Variants in ZC3H11A observed in about 807,000 individuals in gnomAD.
The protein encoded by ZC3H11A is zinc finger CCCH domain-containing protein 11A.
A neutral mutation model predicts 90.8 loss-of-function variants in ZC3H11A; 22 were observed. The observed-to-expected ratio is 0.24, with a 90% CI of 0.17 to 0.35. The LOEUF is 0.35. Ranked by LOEUF, ZC3H11A falls within the 10% of genes least tolerant of loss-of-function variation. The probability of loss-of-function intolerance (pLI) is 1.00; values close to 1 mark genes in which losing one functional copy is unlikely to be tolerated. For missense variants in ZC3H11A, 701 were observed against 964.9 expected (o/e 0.73, Z 3.62); for synonymous variants, 294 against 339.8 (o/e 0.87, Z 1.48).
chr1:203,797,642 A>T, intron 1 of ZC3H11A: 5 of 1,536,098 alleles, frequency 3.3e-6, no homozygotes, highest in Non-Finnish European at 4.4e-6. Flanking sequence ...CAGATGAAGA[A>T]GATGTGGTAG....
intron 8 of ZC3H11A, among the ~76,000 whole-genome samples, 177 bp downstream of exon 8, chr1:203,830,380 A>G (rs1247969674): frequency 2.0e-5 from 3 of 152,248 alleles, no homozygotes; most frequent in Admixed American, 2.0e-4. Context: ...GCTGTGTTTC[A>G]GTCCCTAACT....
chr1:203,839,386 G>A (rs1685381310), intron 11 of ZC3H11A, among the ~76,000 whole-genome samples: 1 of 152,164 alleles, frequency 6.6e-6, no homozygotes, highest in Non-Finnish European at 1.5e-5. Flanking sequence ...AAAAGCCAAG[G>A]TTAGATTTAT....
chr1:203,803,340 C>T (rs910341787), intron 2 of ZC3H11A, among the ~76,000 whole-genome samples: 5 of 152,120 alleles, frequency 3.3e-5, no homozygotes, highest in Non-Finnish European at 7.4e-5. Context: ...TACAGATGTG[C>T]ACCACTACAC....
chr1:203,849,290 G>A (rs958147968), intron 14 of ZC3H11A, among the ~76,000 whole-genome samples: 3 of 152,142 alleles, frequency 2.0e-5, no homozygotes, highest in African/African-American at 7.2e-5. Flanking sequence ...TTTACAGCCT[G>A]CTTTAACTTT....
At chr1:203,840,060 T>C (rs1385466859) in intron 11 of ZC3H11A, among the ~76,000 whole-genome samples, 1 of 147,730 alleles carries the variant, frequency 6.8e-6, no homozygotes, top group East Asian at 1.9e-4. Flanking sequence ...CACCTCAGCC[T>C]CCCAAAGTGC....
chr1:203,800,122 T>C, intron 1 of ZC3H11A: 19 of 1,536,120 alleles, frequency 1.2e-5, no homozygotes, highest in Non-Finnish European at 1.7e-5. Flanking sequence ...GTAGCAGTTG[T>C]GGATGAGTAC....
At chr1:203,808,607 A>G (rs549765630) in intron 2 of ZC3H11A, among the ~76,000 whole-genome samples, 4 of 152,080 alleles carry the variant, frequency 2.6e-5, no homozygotes, top group East Asian at 1.9e-4. Context: ...TTCATATACA[A>G]TTTCCCTCTT....
rs751535089 is a variant in ZC3H11A at position 203,829,503 on chromosome 1, A to G, written c.351A>G (p.Gln117=). The G allele has an allele frequency of 8.1e-6, 13 of 1,613,888 alleles. No individual in the cohort carries two copies. The highest frequency in any genetic ancestry group is 5.3e-5 in the African/African-American group (4 of 74,926). Residue 117 remains glutamine, a synonymous_variant, in exon 6 of 18, where the codon CAA becomes CAG. Transcript: ENST00000367210. Reference sequence around the variant, plus strand: ...CAGAAGAGGAAGTGAAGGCTAGCCAACTTTCAGTTCAGCAGAACAAATTGT... The same window carrying G: ...CAGAAGAGGAAGTGAAGGCTAGCCAGCTTTCAGTTCAGCAGAACAAATTGT... ...ESPEEEVKAS[Q]LSVQQNKLSV... is the part of the protein sequence containing the mutation.
At position 203,851,138 on chromosome 1, in the gene ZC3H11A, A is replaced by G; in HGVS notation, c.2174+14A>G. 1 of 1,613,616 alleles carries G rather than the reference A, an allele frequency of 6.2e-7. No individual in the cohort carries two copies. Among genetic ancestry groups the G allele is most frequent in the African/African-American group, 1.3e-5 (1 of 75,028 alleles). On this transcript the variant is annotated intron_variant, in intron 17 of 17. Transcript: ENST00000367210. ...TCCTAGAGACAGGTAATACTTTGTA[A>G]TTCTTTCTAAACAAACTCCAGGCCC...
chr1:203,804,880 C>G (rs1255579103), intron 2 of ZC3H11A, among the ~76,000 whole-genome samples: 1 of 151,478 alleles, frequency 6.6e-6, no homozygotes, highest in Non-Finnish European at 1.5e-5. Context: ...ATCATATTGG[C>G]CAGGCTGGTC....
chr1:203,810,741 G>GT (rs1381158580), intron 2 of ZC3H11A, among the ~76,000 whole-genome samples: 1 of 152,038 alleles, frequency 6.6e-6, no homozygotes, highest in Non-Finnish European at 1.5e-5. Context: ...TGACGAAGGA[G>GT]TTTTTTCTGT....
In ZC3H11A at chr1:203,829,503, A is replaced by C; in HGVS notation, c.351A>C (p.Gln117His). The change falls in exon 6 of 18, where the codon CAA becomes CAC. Residue 117 changes from glutamine to histidine, a missense_variant. Coordinates refer to ENST00000367210, the MANE Select transcript of ZC3H11A (RefSeq NM_001376342.1). ...CAGAAGAGGAAGTGAAGGCTAGCCA[A>C]CTTTCAGTTCAGCAGAACAAATTGT... Reference protein sequence around the residue: ...ESPEEEVKASQLSVQQNKLSV... With the variant: ...ESPEEEVKASHLSVQQNKLSV... The C allele has an allele frequency of 1.2e-6, 2 of 1,614,006 alleles. No homozygotes were observed. Among genetic ancestry groups the C allele is most frequent in the Non-Finnish European group, 1.7e-6 (2 of 1,179,902 alleles).
At chr1:203,797,674 G>A in intron 1 of ZC3H11A, 1 of 1,535,972 alleles carries the variant, frequency 6.5e-7, no homozygotes, top group Non-Finnish European at 8.7e-7. Flanking sequence ...GTAGCAGAAG[G>A]AGTGAATAAA....
chr1:203,844,309 G>A (rs1198851196), intron 12 of ZC3H11A, among the ~76,000 whole-genome samples: 1 of 152,114 alleles, frequency 6.6e-6, no homozygotes, highest in African/African-American at 2.4e-5. Flanking sequence ...TTACAGGCAT[G>A]TGCAATCACG....
At position 203,798,205 on chromosome 1, in the gene ZC3H11A, T is replaced by A. The variant is rs1230644183; in HGVS notation, c.-1588+2411T>A. On this transcript the variant is annotated intron_variant, in intron 1 of 17. Coordinates refer to ENST00000367210, the MANE Select transcript of ZC3H11A (RefSeq NM_001376342.1). ...ACTGATCCATTAGATGATAATAGAA[T>A]GGGCAAGAAGCATGATAAATCAGCA... The A allele has an allele frequency of 3.3e-6, 5 of 1,536,144 alleles. No individual in the cohort carries two copies. The East Asian group carries it at 1.2e-4, about 38-fold the overall frequency.
chr1:203,844,069 C>T (rs1221229194), intron 12 of ZC3H11A, among the ~76,000 whole-genome samples: 1 of 152,134 alleles, frequency 6.6e-6, no homozygotes, highest in Admixed American at 6.5e-5. Flanking sequence ...GTTGGTCAGG[C>T]TGGTCTCGAA....
intron 2 of ZC3H11A, among the ~76,000 whole-genome samples, chr1:203,803,786 T>C (rs1379669288): frequency 6.6e-6 from 1 of 152,080 alleles, no homozygotes; most frequent in Non-Finnish European, 1.5e-5. Context: ...TTAAAACCTT[T>C]TGTAGAGATG....
At chr1:203,842,976 A>G (rs1477775492) in intron 12 of ZC3H11A, among the ~76,000 whole-genome samples, 5 of 149,380 alleles carry the variant, frequency 3.3e-5, no homozygotes, top group African/African-American at 9.9e-5. Flanking sequence ...TAAAAATTTT[A>G]TATTTTTACA....
rs1670817865 is a variant in ZC3H11A at position 203,802,468 on chromosome 1, A to G, written c.-694A>G. On this transcript the variant is annotated 5_prime_UTR_variant, in exon 2 of 18. An upstream start codon of the reference 5' UTR is lost. Coordinates refer to ENST00000367210, the MANE Select transcript of ZC3H11A (RefSeq NM_001376342.1). ...TATAAGCCAGTTAGTATATATCTGT[A>G]TGTATATTATATACATAAAACACTA... 1 of 152,478 alleles carries G rather than the reference A, an allele frequency of 6.6e-6. No homozygotes were observed. Among genetic ancestry groups the G allele is most frequent in the African/African-American group, 2.4e-5 (1 of 41,420 alleles). 9.4% of individuals were successfully genotyped at this position (152,478 alleles called of 1,614,324 possible).
Sources: allele counts gnomAD v4.1 joint callset (sites outside exome capture counted in the v4.1 genomes callset), GRCh38; gene constraint gnomAD v4.1.1; transcripts MANE v1.5; gene names NCBI Gene and HGNC (gene_info 2026-07-23, HGNC 2026-07-21).